COG5: variants seen among roughly 807,000 people sequenced by gnomAD.
COG5 encodes the protein component of oligomeric golgi complex 5.
COG5 carries 86 observed loss-of-function variants against 110.4 expected under a neutral mutation model. That is an observed-to-expected ratio of 0.78 (90% confidence interval 0.65 to 0.93). COG5 has a LOEUF of 0.93. Among genes scored for constraint, COG5 ranks in the 40% least tolerant of loss-of-function variants. The probability of loss-of-function intolerance (pLI) is 0.00; values close to 1 mark genes in which losing one functional copy is unlikely to be tolerated. For missense variants in COG5, 1,077 were observed against 987.0 expected (o/e 1.09, Z -1.22); for synonymous variants, 360 against 334.6 (o/e 1.08, Z -0.83).
At chr7:107,305,903 T>A (rs1374049849) in intron 11 of COG5, among the ~76,000 whole-genome samples, 7 of 152,068 alleles carry the variant, frequency 4.6e-5, no homozygotes, top group African/African-American at 2.4e-5. Flanking sequence ...GATACGCACT[T>A]TGTATGTACA....
chr7:107,211,263 A>G, intron 19 of COG5, 38 bp from the exon 20 acceptor site: 1 of 1,606,500 alleles, frequency 6.2e-7, no homozygotes, highest in Non-Finnish European at 8.5e-7. Context: ...ACACTGTTCA[A>G]TACTGAAATA....
intron 6 of COG5, among the ~76,000 whole-genome samples, chr7:107,456,416 A>G (rs188996098): frequency 5.8e-4 from 88 of 152,324 alleles, no homozygotes; most frequent in African/African-American, 2.0e-3. Flanking sequence ...CTCTTTTCAG[A>G]TATTAGACAG....
intron 7 of COG5, among the ~76,000 whole-genome samples, chr7:107,373,571 T>C (rs1362080322): frequency 6.6e-6 from 1 of 152,100 alleles, no homozygotes; most frequent in Non-Finnish European, 1.5e-5. Flanking sequence ...ATGTGCTTAG[T>C]ATGCTAGGGA....
chr7:107,413,649 T>C (rs1792481652), intron 6 of COG5, among the ~76,000 whole-genome samples: 1 of 152,170 alleles, frequency 6.6e-6, no homozygotes, highest in African/African-American at 2.4e-5. Flanking sequence ...ATTTATCTGA[T>C]GCATACAATC....
intron 17 of COG5, among the ~76,000 whole-genome samples, chr7:107,244,995 C>T (rs771856249): frequency 1.3e-5 from 2 of 151,984 alleles, no homozygotes; most frequent in African/African-American, 2.4e-5. Flanking sequence ...AGAGACACAG[C>T]GAAAAAAGAA....
chr7:107,558,098 A>C lies in COG5; in HGVS notation c.112T>G (p.Leu38Val). Residue 38 changes from leucine to valine, a missense_variant, in exon 2 of 22, where the codon TTA (leucine) becomes GTA (valine). By Grantham distance (32) the Leu-to-Val change is conservative. Coordinates refer to ENST00000297135, the MANE Select transcript of COG5 (RefSeq NM_006348.5). The stretch of plus-strand genomic sequence containing the variant: ...GTCTTTACATCAAAGTCTTCGTTTA[A>C]AAAGTCACTATAACACCCTGGATTG... ...LLQDGCYSDFLNEDFDVKTYT... is the reference protein window; with the variant it reads ...LLQDGCYSDFVNEDFDVKTYT... 1 of 1,613,948 alleles carries C rather than the reference A, an allele frequency of 6.2e-7. No individual in the cohort carries two copies. The highest frequency in any genetic ancestry group is 1.1e-5 in the South Asian group (1 of 91,080).
chr7:107,233,986 A>T (rs1315965241), intron 18 of COG5, among the ~76,000 whole-genome samples: 2 of 152,196 alleles, frequency 1.3e-5, no homozygotes, highest in Non-Finnish European at 2.9e-5. Flanking sequence ...AGACCATGAC[A>T]TAACAGTAGA....
intron 10 of COG5, among the ~76,000 whole-genome samples, chr7:107,360,293 G>T (rs1386076333): frequency 1.3e-5 from 2 of 152,328 alleles, no homozygotes; most frequent in East Asian, 3.9e-4. Context: ...CCCACTTTGG[G>T]TCTGCCACTC....
intron 6 of COG5, among the ~76,000 whole-genome samples, chr7:107,512,563 A>G (rs1336233005): frequency 1.3e-5 from 2 of 152,302 alleles, no homozygotes; most frequent in East Asian, 3.9e-4. Context: ...CTTCATATGG[A>G]ACCAAAAAAG....
At chr7:107,284,335 C>T (rs1280004605) in intron 12 of COG5, among the ~76,000 whole-genome samples, 1 of 152,176 alleles carries the variant, frequency 6.6e-6, no homozygotes, top group African/African-American at 2.4e-5. Flanking sequence ...CAGTAAAATC[C>T]TATTAATGCT....
chr7:107,295,432 T>C (rs1488166725), intron 12 of COG5, among the ~76,000 whole-genome samples: 2 of 152,070 alleles, frequency 1.3e-5, no homozygotes, highest in Non-Finnish European at 2.9e-5. Flanking sequence ...CAATTATCAA[T>C]ACTGAAAATT....
At chr7:107,294,930 T>TAC (rs1290144852) in intron 12 of COG5, among the ~76,000 whole-genome samples, 2,691 of 100,868 alleles carry the variant, frequency 0.027, 142 homozygotes, top group African/African-American at 0.076. Flanking sequence ...TGTGTATATA[T>TAC]ACACACACAC....
intron 5 of COG5, among the ~76,000 whole-genome samples, chr7:107,547,653 G>C (rs930204364): frequency 6.6e-6 from 1 of 152,156 alleles, no homozygotes; most frequent in Admixed American, 6.5e-5. Flanking sequence ...CACCAAAAGA[G>C]TGCTAGAATA....
At chr7:107,560,085 A>C (rs1415715609) in intron 1 of COG5, among the ~76,000 whole-genome samples, 3 of 152,228 alleles carry the variant, frequency 2.0e-5, no homozygotes, top group Non-Finnish European at 4.4e-5. Context: ...CAATGTGCTG[A>C]AGTTGCCTCT....
At position 107,209,189 on chromosome 7, in the gene COG5, T is replaced by C. The variant is rs187765758; in HGVS notation, c.2375+1337A>G. 4.4e-5 allele frequency: 43 copies of C among 985,378 alleles called. No individual in the cohort carries two copies. In the African/African-American group the frequency reaches 5.6e-4, roughly 13 times the overall value. 61.0% of individuals were successfully genotyped at this position (985,378 alleles called of 1,614,324 possible). ...GTGCAGTGGGCCCAGACCAACAGAA[T>C]TGGGATCCCCTGGGAGAGTTGAGAA... is the stretch of plus-strand genomic sequence containing the variant. On this transcript the variant is annotated intron_variant, in intron 21 of 21. Transcript: ENST00000297135.
At chr7:107,365,012 AAG>A (rs146933259) in intron 8 of COG5, among the ~76,000 whole-genome samples, 1 of 152,248 alleles carries the variant, frequency 6.6e-6, no homozygotes, top group Non-Finnish European at 1.5e-5. Context: ...ACAGTGAGAA[AAG>A]GGTATGTAGT....
chr7:107,274,666 C>G (rs2116744939), intron 14 of COG5, among the ~76,000 whole-genome samples: 1 of 152,268 alleles, frequency 6.6e-6, no homozygotes, highest in Non-Finnish European at 1.5e-5. Flanking sequence ...GCTAGCACCC[C>G]ATATGACCCG....
chr7:107,499,143 G>C (rs1798474052), intron 6 of COG5, among the ~76,000 whole-genome samples: 1 of 152,048 alleles, frequency 6.6e-6, no homozygotes, highest in African/African-American at 2.4e-5. Context: ...CAGGGGCTGG[G>C]GGAGAGGAAG....
chr7:107,323,428 G>A (rs1355279030), intron 11 of COG5, among the ~76,000 whole-genome samples: 4 of 152,192 alleles, frequency 2.6e-5, no homozygotes, highest in African/African-American at 9.7e-5. Context: ...CTACTAGGGA[G>A]GCTGAGGCAG....
Sources: gnomAD v4.1 joint callset for allele counts (sites outside exome capture counted in the v4.1 genomes callset) on GRCh38, gnomAD v4.1.1 for gene constraint, MANE v1.5 for transcripts, NCBI Gene and HGNC (gene_info 2026-07-23, HGNC 2026-07-21) for gene names.